The following MRS2 variants were observed in gnomAD, a reference collection of about 807,000 sequenced individuals.
MRS2 encodes the protein magnesium transporter MRS2.
A neutral mutation model predicts 52.6 loss-of-function variants in MRS2; 40 were observed. The observed-to-expected ratio is 0.76, with a 90% CI of 0.59 to 0.99. MRS2 has a LOEUF of 0.99. MRS2 is among the 50% of genes least tolerant of loss of function. The pLI is 0.00. For synonymous variants in MRS2, 193 were observed against 195.9 expected (o/e 0.98, Z 0.13); for missense variants, 472 against 532.7 (o/e 0.89, Z 1.12).
Position 24,403,248 on chromosome 6 carries a change from C to G in MRS2, c.190+12C>G. Reference sequence around the variant, plus strand: ...GCTCCGCGTGGCAGGTACTGCCCTTCCCCGGCAACAGCCTTGGGACGCTGG... The same window carrying G: ...GCTCCGCGTGGCAGGTACTGCCCTTGCCCGGCAACAGCCTTGGGACGCTGG... On this transcript the variant is annotated intron_variant, in intron 1 of 10. Transcript: ENST00000378386. 3.2e-6 allele frequency: 5 copies of G among 1,584,906 alleles called. No individual in the cohort carries two copies. Among genetic ancestry groups the G allele is most frequent in the Non-Finnish European group, 4.3e-6 (5 of 1,173,792 alleles).
At chr6:24,404,028 A>C (rs936951027) in intron 1 of MRS2, among the ~76,000 whole-genome samples, 2 of 152,262 alleles carry the variant, frequency 1.3e-5, no homozygotes, top group African/African-American at 4.8e-5. Context: ...ATGTGAGTGC[A>C]AATATTTGAG....
rs1762148062 is a variant in MRS2, at chr6:24,424,102, T to C, written c.*408T>C. ...ATAGGGAATTATGTTCATGTGAATT[T>C]CCTGATTCTCAGGTGACTAAAAAGC... On this transcript the variant is annotated 3_prime_UTR_variant, in exon 11 of 11. Transcript: ENST00000378386. 6.6e-6 allele frequency: 1 copy of C among 152,150 alleles called. No homozygotes were observed. Among genetic ancestry groups the C allele is most frequent in the Admixed American group, 6.5e-5 (1 of 15,384 alleles). The allele number at this position is 152,150 out of a possible 1,614,324, so 9.4% of individuals were successfully genotyped here. A position where few individuals can be genotyped will look rare whatever the true frequency, so the allele number is the denominator to read the frequency against.
chr6:24,417,320 A>G (rs1761884687), intron 7 of MRS2, among the ~76,000 whole-genome samples: 1 of 152,186 alleles, frequency 6.6e-6, no homozygotes, highest in Admixed American at 6.5e-5. Flanking sequence ...TAGGGGAGCA[A>G]AGTTATTACT....
Position 24,408,438 on chromosome 6 carries a change from T to C in MRS2, c.295T>C (p.Ser99Pro). ...ATTTGACAAACAGGGAAACGTTACT[T>C]CTTTTGGTGAGTGATTAGCATTCTA... ...TKFDKQGNVT[S>P]FERKKTELYQ... The change falls in exon 3 of 11, where the codon TCT becomes CCT. Residue 99 changes from serine (S) to proline (P), a missense_variant. Coordinates refer to ENST00000378386, the MANE Select transcript of MRS2 (RefSeq NM_020662.4). 6.3e-7 allele frequency: 1 copy of C among 1,582,036 alleles called. No homozygotes were observed. The highest frequency in any genetic ancestry group is 8.7e-7 in the Non-Finnish European group (1 of 1,152,158).
intron 7 of MRS2, among the ~76,000 whole-genome samples, chr6:24,417,315 G>T (rs907038342): frequency 7.2e-5 from 11 of 152,120 alleles, no homozygotes; most frequent in Admixed American, 3.3e-4. Flanking sequence ...TAGGGTAGGG[G>T]AGCAAAGTTA....
chr6:24,404,747 T>A, intron 1 of MRS2, among the ~76,000 whole-genome samples: 1 of 152,228 alleles, frequency 6.6e-6, no homozygotes, highest in East Asian at 1.9e-4. Context: ...AAAGATCAGG[T>A]GGTACTTAGG....
intron 5 of MRS2, among the ~76,000 whole-genome samples, chr6:24,413,384 T>G (rs938681105): frequency 6.6e-6 from 1 of 152,096 alleles, no homozygotes; most frequent in Non-Finnish European, 1.5e-5. Flanking sequence ...CAGGAAGATT[T>G]CCTTACGAAA....
intron 9 of MRS2, among the ~76,000 whole-genome samples, chr6:24,420,353 T>A (rs112139848): frequency 4.6e-5 from 7 of 152,354 alleles, no homozygotes; most frequent in African/African-American, 1.7e-4. Flanking sequence ...CTACATTCCT[T>A]AAATCTGCAA....
At chr6:24,413,540 C>G (rs989371344) in intron 5 of MRS2, among the ~76,000 whole-genome samples, 4 of 152,172 alleles carry the variant, frequency 2.6e-5, no homozygotes, top group Admixed American at 6.5e-5. Flanking sequence ...CCTCAGCAGC[C>G]TCCCCAACCA....
At chr6:24,407,435 A>T (rs1761514893) in intron 2 of MRS2, among the ~76,000 whole-genome samples, 1 of 152,164 alleles carries the variant, frequency 6.6e-6, no homozygotes. Flanking sequence ...GTAACCCAAG[A>T]CCTATATTGT....
chr6:24,403,309 C>T (rs1761349874), intron 1 of MRS2, 73 bp downstream of exon 1: 2 of 1,383,832 alleles, frequency 1.4e-6, no homozygotes, highest in Non-Finnish European at 9.5e-7. Flanking sequence ...CCCAGCCGTC[C>T]GGCGCGGCGC....
intron 6 of MRS2, among the ~76,000 whole-genome samples, 191 bp downstream of exon 6, chr6:24,415,354 G>A (rs1248928514): frequency 6.6e-6 from 1 of 152,146 alleles, no homozygotes; most frequent in Non-Finnish European, 1.5e-5. Flanking sequence ...GCTCTTTTCC[G>A]TATGTGATCT....
intron 4 of MRS2, among the ~76,000 whole-genome samples, chr6:24,410,363 C>CT (rs796141386): frequency 1.3e-5 from 2 of 152,226 alleles, no homozygotes; most frequent in African/African-American, 4.8e-5. Context: ...AATAATTTGA[C>CT]TTTCTTTAGT....
At chr6:24,422,530 T>C (rs1450798655) in intron 9 of MRS2, among the ~76,000 whole-genome samples, 1 of 152,162 alleles carries the variant, frequency 6.6e-6, no homozygotes, top group Non-Finnish European at 1.5e-5. Context: ...GTTATTTCCC[T>C]TGCAACTTTA....
At chr6:24,417,749 C>T (rs1761898094) in intron 7 of MRS2, among the ~76,000 whole-genome samples, 1 of 152,036 alleles carries the variant, frequency 6.6e-6, no homozygotes, top group Non-Finnish European at 1.5e-5. Flanking sequence ...CGAGACCAGC[C>T]TGTCCAATAT....
chr6:24,423,536 C>A, intron 10 of MRS2, 48 bp from the exon 11 acceptor site: 1 of 1,083,942 alleles, frequency 9.2e-7, no homozygotes, highest in Admixed American at 2.1e-5. Flanking sequence ...TTACTAGTGG[C>A]TTTTCTTTTA....
rs775875580 is a variant in MRS2 at position 24,422,946 on chromosome 6, A to C, written c.1117A>C (p.Ile373Leu). The C allele has an allele frequency of 4.3e-6, 7 of 1,612,988 alleles. No individual in the cohort carries two copies. Among genetic ancestry groups the C allele is most frequent in the Non-Finnish European group, 5.9e-6 (7 of 1,179,360 alleles). ...LESSLEEDHR[I>L]FWLITGIMFM... ...CTGTGTTCTCTTTTAGGACCATAGA[A>C]TTTTTTGGCTGATTACAGGAATTAT... The change falls in exon 10 of 11, where the codon ATT becomes CTT. Residue 373 changes from isoleucine to leucine, a missense_variant. By Grantham distance (5) the Ile-to-Leu change is conservative (BLOSUM62 2). Transcript: ENST00000378386.
At position 24,425,603 on chromosome 6, in the gene MRS2, GT is replaced by G. The variant is rs1762207934; in HGVS notation, c.*1913del. 1 of 152,146 alleles carries G rather than the reference GT, an allele frequency of 6.6e-6. No homozygotes were observed. Among genetic ancestry groups the G allele is most frequent in the South Asian group, 2.1e-4 (1 of 4,822 alleles). 9.4% of individuals were successfully genotyped at this position (152,146 alleles called of 1,614,324 possible). On this transcript the variant is annotated 3_prime_UTR_variant, in exon 11 of 11. Transcript: ENST00000378386. ...TGCCAAAAATATATGAAGTTCCTTG[GT>G]TTTAAATTTTGAACTAAAATGGACT...
intron 5 of MRS2, among the ~76,000 whole-genome samples, chr6:24,414,788 T>C (rs1761792361): frequency 6.6e-6 from 1 of 152,190 alleles, no homozygotes; most frequent in South Asian, 2.1e-4. Context: ...AGAAAGACTC[T>C]TACGAGAGTT....
Sources: gnomAD v4.1 joint callset for allele counts (sites outside exome capture counted in the v4.1 genomes callset) on GRCh38, gnomAD v4.1.1 for gene constraint, MANE v1.5 for transcripts, NCBI Gene and HGNC (gene_info 2026-07-23, HGNC 2026-07-21) for gene names.